Variants in STXBP4 observed in about 807,000 individuals in gnomAD.
STXBP4 encodes the protein syntaxin-binding protein 4.
A neutral mutation model predicts 76.1 loss-of-function variants in STXBP4; 55 were observed. The ratio of observed to expected loss-of-function variants is 0.72; its 90% CI spans 0.58 to 0.91. The LOEUF is 0.91. Ranked by LOEUF, STXBP4 falls within the 40% of genes least tolerant of loss-of-function variation. The pLI is 0.00. For missense variants in STXBP4, 618 were observed against 636.9 expected (o/e 0.97, Z 0.32); for synonymous variants, 201 against 220.2 (o/e 0.91, Z 0.77).
intron 4 of STXBP4, among the ~76,000 whole-genome samples, chr17:54,994,482 A>T (rs1299091983): frequency 6.6e-6 from 1 of 152,184 alleles, no homozygotes; most frequent in African/African-American, 2.4e-5. Context: ...ACAGCTTCCT[A>T]TTTCAACTCC....
At chr17:55,136,801 T>C (rs1276795349) in intron 16 of STXBP4, among the ~76,000 whole-genome samples, 1 of 152,062 alleles carries the variant, frequency 6.6e-6, no homozygotes, top group Admixed American at 6.6e-5. Context: ...AAACAGAGAC[T>C]GTATTGAGGA....
At chr17:55,150,525 C>G (rs1479297661) in intron 17 of STXBP4, among the ~76,000 whole-genome samples, 1 of 152,186 alleles carries the variant, frequency 6.6e-6, no homozygotes, top group Non-Finnish European at 1.5e-5. Flanking sequence ...TTAGGAGGGA[C>G]ATAGTTCAGT....
At chr17:55,124,062 T>C (rs1205203023) in intron 16 of STXBP4, among the ~76,000 whole-genome samples, 1 of 152,184 alleles carries the variant, frequency 6.6e-6, no homozygotes, top group Non-Finnish European at 1.5e-5. Flanking sequence ...GCCTAAGATA[T>C]GACAAGAAGG....
chr17:55,062,388 C>T (rs1243059514), intron 12 of STXBP4, among the ~76,000 whole-genome samples: 2 of 152,126 alleles, frequency 1.3e-5, no homozygotes. Context: ...TAATTTCCAG[C>T]TTCATCCATG....
the STXBP4 span, among the ~76,000 whole-genome samples, chr17:55,187,581 C>G: frequency 3.3e-5 from 5 of 152,182 alleles, no homozygotes; most frequent in Non-Finnish European, 5.9e-5. Context: ...CAGTGTTCCT[C>G]TCCAAATGGA....
the STXBP4 span, among the ~76,000 whole-genome samples, chr17:55,202,409 C>G: frequency 6.6e-6 from 1 of 150,646 alleles, no homozygotes; most frequent in Admixed American, 6.6e-5. Context: ...ATTAATACCA[C>G]AGGTATTAAT....
chr17:55,177,734 T>C (rs1659545861), downstream of STXBP4, among the ~76,000 whole-genome samples: 1 of 152,228 alleles, frequency 6.6e-6, no homozygotes, highest in African/African-American at 2.4e-5. Flanking sequence ...CAAACTCTTA[T>C]GACTGCAGAG....
intron 16 of STXBP4, among the ~76,000 whole-genome samples, chr17:55,096,003 T>C (rs1210073866): frequency 1.3e-5 from 2 of 152,164 alleles, no homozygotes; most frequent in African/African-American, 4.8e-5. Flanking sequence ...CACCTTAGAT[T>C]TGGTGAAATA....
chr17:55,008,818 C>G (rs1440864518), intron 8 of STXBP4, among the ~76,000 whole-genome samples: 1 of 152,012 alleles, frequency 6.6e-6, no homozygotes, highest in Non-Finnish European at 1.5e-5. Flanking sequence ...GGTTTTATGG[C>G]CCACCTCAGG....
intron 8 of STXBP4, among the ~76,000 whole-genome samples, chr17:55,024,995 G>A (rs2078385894): frequency 6.6e-6 from 1 of 152,008 alleles, no homozygotes; most frequent in Non-Finnish European, 1.5e-5. Context: ...CAAAAAATTA[G>A]CCGGGCATGG....
intron 1 of STXBP4, among the ~76,000 whole-genome samples, chr17:54,976,746 T>C (rs1477410485): frequency 1.3e-5 from 2 of 152,274 alleles, no homozygotes; most frequent in Non-Finnish European, 2.9e-5. Context: ...GTGGTCTAGG[T>C]TGCATGCTCC....
chr17:55,030,425 C>T (rs958748897), intron 8 of STXBP4, among the ~76,000 whole-genome samples: 5 of 152,126 alleles, frequency 3.3e-5, no homozygotes, highest in African/African-American at 1.2e-4. Flanking sequence ...TGGCACTTCC[C>T]CTTGTATCTC....
At chr17:55,051,050 G>A (rs1186747812) in intron 12 of STXBP4, among the ~76,000 whole-genome samples, 1 of 151,988 alleles carries the variant, frequency 6.6e-6, no homozygotes, top group Non-Finnish European at 1.5e-5. Flanking sequence ...GCCTATTTTT[G>A]TAAAAGAAAT....
Position 55,080,030 on chromosome 17 carries a change from T to C in STXBP4, c.1356-1020T>C, listed in dbSNP as rs542101804. ...GTAAGGATCTTAAAATAATCAGTAATCACATTTATTTCTTTATGGGCTAAG... is the reference window on the plus strand; with the variant it reads ...GTAAGGATCTTAAAATAATCAGTAACCACATTTATTTCTTTATGGGCTAAG... On this transcript the variant is annotated intron_variant, in intron 15 of 17. Transcript: ENST00000376352. 3.7e-4 allele frequency among the ~76,000 whole-genome samples: 57 copies of C among 152,282 alleles called. No individual in the cohort carries two copies. In the East Asian group the frequency reaches 0.011, roughly 28 times the overall value.
At chr17:55,001,375 T>C (rs2077911413) in intron 7 of STXBP4, among the ~76,000 whole-genome samples, 1 of 152,146 alleles carries the variant, frequency 6.6e-6, no homozygotes, top group Non-Finnish European at 1.5e-5. Context: ...TTAATTACCA[T>C]AAAATGATTT....
chr17:55,143,203 G>A (rs1230454694), intron 17 of STXBP4, among the ~76,000 whole-genome samples: 2 of 152,128 alleles, frequency 1.3e-5, no homozygotes, highest in Non-Finnish European at 2.9e-5. Flanking sequence ...GGCTCTTATT[G>A]GAATGGCATT....
intron 8 of STXBP4, among the ~76,000 whole-genome samples, chr17:55,009,599 T>C (rs1304974614): frequency 6.6e-6 from 1 of 152,164 alleles, no homozygotes; most frequent in Non-Finnish European, 1.5e-5. Context: ...TGGTTCCCCT[T>C]TAAGCCTTAA....
At chr17:55,190,607 A>G in the STXBP4 span, among the ~76,000 whole-genome samples, 1 of 152,180 alleles carries the variant, frequency 6.6e-6, no homozygotes, top group African/African-American at 2.4e-5. Flanking sequence ...GCCAAATAAT[A>G]TCATAAATAA....
rs957748798 is a variant in STXBP4 at position 55,085,091 on chromosome 17, A to G, written c.1489+3908A>G. Among the ~76,000 whole-genome samples the G allele has an allele frequency of 2.0e-5, 3 of 152,298 alleles. No homozygotes were observed. The South Asian group carries it at 6.2e-4, about 32-fold the overall frequency. On this transcript the variant is annotated intron_variant, in intron 16 of 17. Coordinates refer to ENST00000376352, the MANE Select transcript of STXBP4 (RefSeq NM_178509.6). ...GATGAAATTGGAAATCATCATTCTC[A>G]GTAAACTATCACAAGAACAAAAAAC...
Sources: gnomAD v4.1 joint callset for allele counts (sites outside exome capture counted in the v4.1 genomes callset) on GRCh38, gnomAD v4.1.1 for gene constraint, MANE v1.5 for transcripts, NCBI Gene and HGNC (gene_info 2026-07-23, HGNC 2026-07-21) for gene names.